MROH1: variants seen among roughly 807,000 people sequenced by gnomAD.
MROH1 encodes the protein maestro heat-like repeat-containing protein family member 1.
MROH1 carries 117 observed loss-of-function variants against 116.5 expected under a neutral mutation model. The ratio of observed to expected loss-of-function variants is 1.00; its 90% CI spans 0.86 to 1.17. The LOEUF is 1.17. Among genes scored for constraint, MROH1 ranks in the 50% most tolerant of loss-of-function variants. The pLI is 0.00. For missense variants in MROH1, 1,873 were observed against 1,338.5 expected (o/e 1.40, Z -6.23); for synonymous variants, 921 against 583.9 (o/e 1.58, Z -8.32).
chr8:144,261,089 C>A (rs1409148020), intron 41 of MROH1, 25 bp from the exon 42 acceptor site: 4 of 774,868 alleles, frequency 5.2e-6, no homozygotes, highest in Admixed American at 3.4e-5. Context: ...CGGGGCCAGG[C>A]GGCACTGACC....
intron 12 of MROH1, among the ~76,000 whole-genome samples, chr8:144,216,359 A>G (rs1387610268): frequency 1.3e-5 from 2 of 151,976 alleles, no homozygotes; most frequent in African/African-American, 2.4e-5. Context: ...CTGTAATTCC[A>G]GCTACTCAGG....
chr8:144,218,049 C>T (rs1835663424), intron 12 of MROH1, among the ~76,000 whole-genome samples: 1 of 140,470 alleles, frequency 7.1e-6, no homozygotes. Flanking sequence ...GCCCAGGATC[C>T]TTCTGGGTGG....
At chr8:144,256,280 C>T (rs1456574917) in intron 35 of MROH1, among the ~76,000 whole-genome samples, 2 of 152,132 alleles carry the variant, frequency 1.3e-5, no homozygotes, top group African/African-American at 4.8e-5. Context: ...CCCATGTGAA[C>T]GCAGGGCTGC....
At chr8:144,211,028 C>T (rs946235208) in intron 12 of MROH1, among the ~76,000 whole-genome samples, 1 of 152,178 alleles carries the variant, frequency 6.6e-6, no homozygotes, top group Non-Finnish European at 1.5e-5. Flanking sequence ...GGTTCCCCTC[C>T]GTTCTTCTCT....
At chr8:144,247,905 G>A (rs897665353) in intron 31 of MROH1, among the ~76,000 whole-genome samples, 1 of 152,268 alleles carries the variant, frequency 6.6e-6, no homozygotes, top group Non-Finnish European at 1.5e-5. Flanking sequence ...TGAGAGGAAG[G>A]TGCTATTTGT....
At chr8:144,206,584 G>A (rs900984740) in intron 12 of MROH1, among the ~76,000 whole-genome samples, 11 of 151,326 alleles carry the variant, frequency 7.3e-5, no homozygotes, top group Non-Finnish European at 5.9e-5. Context: ...CACCACACCC[G>A]GCTAATTTTT....
chr8:144,206,798 C>T (rs906815623), intron 12 of MROH1, among the ~76,000 whole-genome samples: 33 of 150,512 alleles, frequency 2.2e-4, no homozygotes, highest in Non-Finnish European at 2.8e-4. Context: ...TTTGCGAGGC[C>T]GAGGCAGGTG....
chr8:144,151,549 A>G (rs1816795772), intron 1 of MROH1, among the ~76,000 whole-genome samples: 2 of 152,208 alleles, frequency 1.3e-5, no homozygotes, highest in African/African-American at 4.8e-5. Context: ...GCTTCCACTC[A>G]ATAGAACTTT....
chr8:144,213,967 G>T (rs1378507880), intron 12 of MROH1: 1 of 151,916 alleles, frequency 6.6e-6, no homozygotes, highest in African/African-American at 2.4e-5. Context: ...TTTGTTTTCT[G>T]ATGTCCAAAA....
At chr8:144,206,900 G>T (rs541091109) in intron 12 of MROH1, among the ~76,000 whole-genome samples, 16 of 151,340 alleles carry the variant, frequency 1.1e-4, no homozygotes, top group Admixed American at 7.9e-4. Flanking sequence ...AGGTGTGGTG[G>T]CACACGCCTG....
intron 10 of MROH1, 73 bp downstream of exon 10, chr8:144,192,474 G>A (rs919355942): frequency 2.2e-6 from 3 of 1,373,264 alleles, no homozygotes; most frequent in South Asian, 1.2e-5. Flanking sequence ...GACAAGGGGT[G>A]CAGAAAGCAA....
At chr8:144,149,182 G>A (rs2130358735) in intron 1 of MROH1, among the ~76,000 whole-genome samples, 1 of 152,240 alleles carries the variant, frequency 6.6e-6, no homozygotes, top group South Asian at 2.1e-4. Flanking sequence ...TGTTTCATAG[G>A]TGGTACGTGT....
At chr8:144,210,209 G>A (rs1296908052) in intron 12 of MROH1, among the ~76,000 whole-genome samples, 1 of 150,090 alleles carries the variant, frequency 6.7e-6, no homozygotes, top group Non-Finnish European at 1.5e-5. Context: ...GAGCCTGAGA[G>A]GGGCGGATCA....
At chr8:144,191,939 G>T in intron 9 of MROH1, 84 bp downstream of exon 9, 1 of 1,524,902 alleles carries the variant, frequency 6.6e-7, no homozygotes, top group Non-Finnish European at 8.9e-7. Flanking sequence ...CCTCGGCTAG[G>T]GCTCAGTGGT....
chr8:144,256,914 G>A (rs1333573730), intron 35 of MROH1, among the ~76,000 whole-genome samples: 2 of 152,236 alleles, frequency 1.3e-5, no homozygotes, highest in Non-Finnish European at 2.9e-5. Context: ...GCCTTGCAGG[G>A]CTCGAGGCCT....
intron 13 of MROH1, among the ~76,000 whole-genome samples, chr8:144,222,512 G>A (rs960429282): frequency 6.6e-6 from 1 of 152,170 alleles, no homozygotes; most frequent in Non-Finnish European, 1.5e-5. Context: ...GCAGGTGCAG[G>A]TACAGGTACA....
In MROH1 at chr8:144,260,302, C is replaced by A; in HGVS notation, c.4308C>A (p.His1436Gln). The A allele has an allele frequency of 1.3e-6, 1 of 754,010 alleles. No individual in the cohort carries two copies. Among genetic ancestry groups the A allele is most frequent in the Non-Finnish European group, 2.4e-6 (1 of 411,112 alleles). 46.7% of individuals were successfully genotyped at this position (754,010 alleles called of 1,614,324 possible). A position where few individuals can be genotyped will look rare whatever the true frequency, so the allele number is the denominator to read the frequency against. Residue 1436 changes from histidine (H) to glutamine (Q), a missense_variant, in exon 39 of 44, where the codon CAC (histidine) becomes CAA (glutamine). Physicochemically the swap from His to Gln is conservative, Grantham distance 24. Coordinates refer to ENST00000326134, the MANE Select transcript of MROH1 (RefSeq NM_032450.3). ...TGCTGGGCCTTGCGAGGCTGGTGCA[C>A]CTGGTGGAGTCCTGGGACCTGCGCT... Reference protein sequence around the residue: ...EAMLGLARLVHLVESWDLRSG... With the variant: ...EAMLGLARLVQLVESWDLRSG...
intron 14 of MROH1, among the ~76,000 whole-genome samples, chr8:144,234,504 T>G (rs868961862): frequency 0.012 from 583 of 49,744 alleles, 2 homozygotes; most frequent in Middle Eastern, 0.031. Context: ...TTTCGTTTTT[T>G]TTTTTTTTTT....
At chr8:144,156,472 C>T (rs929590413) in intron 1 of MROH1, among the ~76,000 whole-genome samples, 27 of 151,724 alleles carry the variant, frequency 1.8e-4, no homozygotes, top group Non-Finnish European at 2.9e-4. Flanking sequence ...TTTGGGAGGC[C>T]GAGGCCGGCG....
Sources: gnomAD v4.1 joint callset for allele counts (sites outside exome capture counted in the v4.1 genomes callset) on GRCh38, gnomAD v4.1.1 for gene constraint, MANE v1.5 for transcripts, NCBI Gene and HGNC (gene_info 2026-07-23, HGNC 2026-07-21) for gene names.